Variants in RHOQ observed in about 807,000 individuals in gnomAD.
RHOQ encodes ras homolog family member Q.
A neutral mutation model predicts 25.8 loss-of-function variants in RHOQ; 7 were observed. The observed-to-expected ratio is 0.27, with a 90% CI of 0.15 to 0.51. The LOEUF (loss-of-function observed/expected upper bound fraction) is 0.51. Among genes scored for constraint, RHOQ ranks in the 20% least tolerant of loss-of-function variants. RHOQ has a pLI of 0.97. For synonymous variants in RHOQ, 97 were observed against 98.6 expected, an observed-to-expected ratio of 0.98 and a Z score of 0.10; for missense variants, 165 against 260.6, an observed-to-expected ratio of 0.63 and a Z score of 2.53.
intron 2 of RHOQ, among the ~76,000 whole-genome samples, chr2:46,567,809 C>T (rs1444994967): frequency 6.6e-6 from 1 of 152,076 alleles, no homozygotes; most frequent in East Asian, 1.9e-4. Context: ...ATAATCCCAA[C>T]ATTTTAGGGG....
intron 2 of RHOQ, among the ~76,000 whole-genome samples, chr2:46,563,409 G>A (rs1043208686): frequency 6.6e-6 from 1 of 152,202 alleles, no homozygotes. Context: ...CTTCTGGGCT[G>A]TAAAGTTACA....
At chr2:46,553,830 G>A (rs562623103) in intron 2 of RHOQ, among the ~76,000 whole-genome samples, 1 of 152,106 alleles carries the variant, frequency 6.6e-6, no homozygotes, top group Non-Finnish European at 1.5e-5. Context: ...GCCCACTTCA[G>A]CCTCCCAAAG....
intron 2 of RHOQ, among the ~76,000 whole-genome samples, chr2:46,561,097 C>T: frequency 6.7e-6 from 1 of 148,962 alleles, no homozygotes; most frequent in Admixed American, 6.7e-5. Context: ...TATGTATATA[C>T]AGGTATGTGT....
rs1667852424 is a variant in RHOQ, at chr2:46,542,674, C to T, written c.-373C>T. 6.8e-6 allele frequency: 1 copy of T among 146,682 alleles called. No homozygotes were observed. The highest frequency in any genetic ancestry group is 2.4e-5 in the African/African-American group (1 of 41,022). 9.1% of individuals were successfully genotyped at this position (146,682 alleles called of 1,614,324 possible). A position where few individuals can be genotyped will look rare whatever the true frequency, so the allele number is the denominator to read the frequency against. On this transcript the variant is annotated 5_prime_UTR_variant, in exon 1 of 5. Transcript: ENST00000238738. The stretch of plus-strand genomic sequence containing the variant: ...GTTGGCGCGGGGCGGGGAGAGCCGC[C>T]TGGCCCCTCCCCTCCGCCGCCCTCC...
intron 2 of RHOQ, among the ~76,000 whole-genome samples, chr2:46,559,463 G>T (rs1169243718): frequency 6.6e-6 from 1 of 152,200 alleles, no homozygotes; most frequent in African/African-American, 2.4e-5. Context: ...GAGAAAGCAT[G>T]TATGGGCAGG....
chr2:46,571,133 C>G (rs187908526), intron 2 of RHOQ, among the ~76,000 whole-genome samples: 62 of 152,302 alleles, frequency 4.1e-4, no homozygotes, highest in Non-Finnish European at 6.8e-4. Context: ...GTGCCTCTTC[C>G]AAGAGGTCTT....
intron 2 of RHOQ, among the ~76,000 whole-genome samples, chr2:46,554,384 C>T (rs1284234865): frequency 6.6e-6 from 1 of 152,158 alleles, no homozygotes; most frequent in East Asian, 1.9e-4. Context: ...GGGCTGTGCG[C>T]CCAGTAGGCT....
chr2:46,572,628 A>G (rs776234683), intron 2 of RHOQ: 1 of 337,912 alleles, frequency 3.0e-6, no homozygotes, highest in Non-Finnish European at 5.9e-6. Context: ...TCTTTAATAC[A>G]CTTTTCTGTA....
Position 46,552,400 on chromosome 2 carries a change from C to A in RHOQ, c.201+8588C>A, listed in dbSNP as rs114962865. 1.0e-3 allele frequency among the ~76,000 whole-genome samples: 159 copies of A among 152,342 alleles called. No individual in the cohort carries two copies. The highest frequency in any genetic ancestry group is 1.7e-3 in the Non-Finnish European group (113 of 68,036). Reference sequence around the variant, plus strand: ...AAATGCTGTTTGGGGGGCTGCCAGGCGGGCCAGCTTTAGCCTGCAAATGAC... The same window carrying A: ...AAATGCTGTTTGGGGGGCTGCCAGGAGGGCCAGCTTTAGCCTGCAAATGAC... On this transcript the variant is annotated intron_variant, in intron 2 of 4. Coordinates refer to ENST00000238738, the MANE Select transcript of RHOQ (RefSeq NM_012249.4). The surrounding 1 kb of genome is among the most constrained non-coding windows in gnomAD (Gnocchi z 5.0).
Position 46,581,377 on chromosome 2 carries a change from T to G in RHOQ, c.*294T>G. The G allele has an allele frequency of 6.6e-7, 1 of 1,505,104 alleles. No individual in the cohort carries two copies. The highest frequency in any genetic ancestry group is 1.3e-5 in the South Asian group (1 of 77,622). The allele number at this position is 1,505,104 out of a possible 1,614,324, so 93.2% of individuals were successfully genotyped here. Reference sequence around the variant, plus strand: ...ACAATCACATCATGTTGTAACTACGTAAAAAACAGAGCTGTAAATGGAACT... The same window carrying G: ...ACAATCACATCATGTTGTAACTACGGAAAAAACAGAGCTGTAAATGGAACT... On this transcript the variant is annotated 3_prime_UTR_variant, in exon 5 of 5. Transcript: ENST00000238738.
intron 2 of RHOQ, among the ~76,000 whole-genome samples, chr2:46,575,332 G>C (rs925034692): frequency 1.3e-5 from 2 of 151,822 alleles, no homozygotes; most frequent in Non-Finnish European, 2.9e-5. Flanking sequence ...ATTAAGTAGA[G>C]GGAATGAAAG....
intron 4 of RHOQ, among the ~76,000 whole-genome samples, chr2:46,578,474 G>C (rs1052935492): frequency 7.0e-6 from 1 of 143,240 alleles, no homozygotes; most frequent in African/African-American, 2.6e-5. Flanking sequence ...GCTCACACCT[G>C]TAATCCCCGC....
In RHOQ at chr2:46,576,152, G is replaced by A. The variant is rs141035770; in HGVS notation, c.267G>A (p.Ser89=). The A allele has an allele frequency of 1.1e-4, 180 of 1,613,436 alleles. 1 individual carries two copies. In the African/African-American group the frequency reaches 1.8e-3, roughly 16 times the overall value. ...PMTDVFLICF[S]VVNPASFQNV... Reference sequence around the variant, plus strand: ...CCGATGTCTTCCTTATATGCTTCTCGGTGGTAAATCCAGCCTCATTTCAAA... The same window carrying A: ...CCGATGTCTTCCTTATATGCTTCTCAGTGGTAAATCCAGCCTCATTTCAAA... Residue 89 remains serine (S), a synonymous_variant, in exon 3 of 5, where the codon TCG becomes TCA. Coordinates refer to ENST00000238738, the MANE Select transcript of RHOQ (RefSeq NM_012249.4). The surrounding 1 kb of genome is among the most constrained non-coding windows in gnomAD (Gnocchi z 5.1).
At position 46,576,748 on chromosome 2, in the gene RHOQ, G is replaced by C. The variant is rs926733670; in HGVS notation, c.462+92G>C. 3.0e-5 allele frequency: 25 copies of C among 846,300 alleles called. 1 individual carries two copies. In the East Asian group the frequency reaches 6.4e-4, roughly 22 times the overall value. The allele number at this position is 846,300 out of a possible 1,614,324, so 52.4% of individuals were successfully genotyped here. On this transcript the variant is annotated intron_variant, in intron 4 of 4. Transcript: ENST00000238738. This position sits in a 1 kb window ranked among gnomAD's most constrained non-coding sequence, Gnocchi z 5.1. ...TTTATTGTGTATTTACTGTGTGCCA[G>C]GTGGAGTGCTTTACATGCATTATCT...
rs1450438518 is a variant in RHOQ at position 46,555,976 on chromosome 2, C to G, written c.201+12164C>G. 1.3e-5 allele frequency among the ~76,000 whole-genome samples: 2 copies of G among 152,108 alleles called. No individual in the cohort carries two copies. Among genetic ancestry groups the G allele is most frequent in the East Asian group, 3.8e-4 (2 of 5,198 alleles). On this transcript the variant is annotated intron_variant, in intron 2 of 4. Coordinates refer to ENST00000238738, the MANE Select transcript of RHOQ (RefSeq NM_012249.4). The surrounding 1 kb of genome is among the most constrained non-coding windows in gnomAD (Gnocchi z 4.3). ...TGATATGTAAGTTTCCTCCTCTTTC[C>G]TTTGTTTTATTTTTTGAGGCATAAT...
At chr2:46,554,372 T>C (rs1276439556) in intron 2 of RHOQ, among the ~76,000 whole-genome samples, 3 of 152,190 alleles carry the variant, frequency 2.0e-5, no homozygotes, top group Non-Finnish European at 4.4e-5. Context: ...CTATGTGGCC[T>C]AGGGCTGTGC....
intron 2 of RHOQ, among the ~76,000 whole-genome samples, chr2:46,546,531 T>TATATAC (rs1668075628): frequency 1.1e-5 from 1 of 93,848 alleles, no homozygotes; most frequent in African/African-American, 4.6e-5. Context: ...TATATATATA[T>TATATAC]ACACAAATCC....
In RHOQ at chr2:46,552,393, T is replaced by C. The variant is rs1668271605; in HGVS notation, c.201+8581T>C. On this transcript the variant is annotated intron_variant, in intron 2 of 4. Coordinates refer to ENST00000238738, the MANE Select transcript of RHOQ (RefSeq NM_012249.4). This position sits in a 1 kb window ranked among gnomAD's most constrained non-coding sequence, Gnocchi z 5.0. The stretch of plus-strand genomic sequence containing the variant: ...GACAGGGAAATGCTGTTTGGGGGGC[T>C]GCCAGGCGGGCCAGCTTTAGCCTGC... Among the ~76,000 whole-genome samples the C allele has an allele frequency of 6.6e-6, 1 of 152,242 alleles. No homozygotes were observed.
chr2:46,561,968 G>C (rs2104003919), intron 2 of RHOQ, among the ~76,000 whole-genome samples: 1 of 152,284 alleles, frequency 6.6e-6, no homozygotes, highest in East Asian at 1.9e-4. Context: ...ACATCCCCTT[G>C]CTGCCAGTGT....
Sources: allele counts gnomAD v4.1 joint callset (sites outside exome capture counted in the v4.1 genomes callset), GRCh38; gene constraint gnomAD v4.1.1; non-coding constraint Gnocchi (gnomAD v3.1); transcripts MANE v1.5; gene names NCBI Gene and HGNC (gene_info 2026-07-23, HGNC 2026-07-21).